Variants in CCDC122 observed in about 807,000 individuals in gnomAD.
CCDC122 encodes coiled-coil domain containing 122.
In CCDC122, 38 loss-of-function variants were observed where a neutral mutation model predicts 37.0. That is an observed-to-expected ratio of 1.03 (90% CI 0.79 to 1.35). CCDC122 has a LOEUF of 1.35. CCDC122 is among the 40% of genes most tolerant of loss of function. The pLI is 0.00. For missense variants in CCDC122, 305 were observed against 310.0 expected (o/e 0.98, Z 0.12); for synonymous variants, 83 against 95.6 (o/e 0.87, Z 0.77).
At chr13:43,871,827 C>A (rs1401968029) in intron 2 of CCDC122, among the ~76,000 whole-genome samples, 1 of 152,046 alleles carries the variant, frequency 6.6e-6, no homozygotes, top group African/African-American at 2.4e-5. Context: ...CTCTCTAAAA[C>A]CCTCTCTAGT....
chr13:43,836,028 A>C (rs1953151890), downstream of CCDC122, among the ~76,000 whole-genome samples: 1 of 152,238 alleles, frequency 6.6e-6, no homozygotes. Context: ...ATCAGGTTTT[A>C]TATCAGCTCC....
At chr13:43,836,059 T>C (rs1953152930), downstream of CCDC122, among the ~76,000 whole-genome samples, 1 of 152,188 alleles carries the variant, frequency 6.6e-6, no homozygotes, top group South Asian at 2.1e-4. Flanking sequence ...TTTTAGCACA[T>C]AGAAAGGTAA....
chr13:43,822,886 G>T (rs1277607872), downstream of CCDC122, among the ~76,000 whole-genome samples: 1 of 152,150 alleles, frequency 6.6e-6, no homozygotes, highest in African/African-American at 2.4e-5. Context: ...GGCCATCCAA[G>T]AGCCTAGGCC....
chr13:43,849,134 G>A (rs566117962), intron 6 of CCDC122: 1 of 788,238 alleles, frequency 1.3e-6, no homozygotes, highest in African/African-American at 1.9e-5. Context: ...ACTGAATTGA[G>A]GACAACTTTT....
chr13:43,872,377 G>A (rs1418560229), intron 2 of CCDC122, among the ~76,000 whole-genome samples: 1 of 152,090 alleles, frequency 6.6e-6, no homozygotes, highest in African/African-American at 2.4e-5. Context: ...AGAAAGACAT[G>A]CAACTATGCT....
At chr13:43,875,164 C>T (rs935602624) in intron 1 of CCDC122, among the ~76,000 whole-genome samples, 1 of 152,124 alleles carries the variant, frequency 6.6e-6, no homozygotes, top group African/African-American at 2.4e-5. Flanking sequence ...GCAACTGTTT[C>T]GAAAAGATTT....
intron 1 of CCDC122, among the ~76,000 whole-genome samples, chr13:43,875,642 C>G (rs1056045097): frequency 6.6e-6 from 1 of 152,154 alleles, no homozygotes; most frequent in Non-Finnish European, 1.5e-5. Context: ...TCTCTAATAA[C>G]AATCCTAGGA....
chr13:43,878,443 T>C (rs1040790048), intron 1 of CCDC122, among the ~76,000 whole-genome samples: 1 of 152,208 alleles, frequency 6.6e-6, no homozygotes, highest in South Asian at 2.1e-4. Context: ...TCTGGGTTAG[T>C]GCTCCCAGTC....
At chr13:43,830,613 T>C (rs1206063634) in intron 3 of CCDC122, among the ~76,000 whole-genome samples, 1 of 152,202 alleles carries the variant, frequency 6.6e-6, no homozygotes, top group African/African-American at 2.4e-5. Context: ...TCAAAAAGGA[T>C]TTTTTAAAAA....
At chr13:43,841,255 G>A (rs1038144735) in intron 6 of CCDC122, among the ~76,000 whole-genome samples, 1 of 152,140 alleles carries the variant, frequency 6.6e-6, no homozygotes, top group Non-Finnish European at 1.5e-5. Context: ...TAAACACCTA[G>A]GTGGAGAATT....
rs1313754911 is a variant in CCDC122 at position 43,840,853 on chromosome 13, T to C, written c.673-3424A>G. Among the ~76,000 whole-genome samples, 4 of 151,898 alleles carry C rather than the reference T, an allele frequency of 2.6e-5. No individual in the cohort carries two copies. In the South Asian group the frequency reaches 8.3e-4, roughly 32 times the overall value. ...GTGCTGCAATAAACATACATGTGCA[T>C]GTGTCTTTATAGCAGCATGTTTTAT... is the stretch of plus-strand genomic sequence containing the variant. On this transcript the variant is annotated intron_variant, in intron 6 of 6. Coordinates refer to ENST00000444614, the MANE Select transcript of CCDC122 (RefSeq NM_144974.5).
intron 6 of CCDC122, among the ~76,000 whole-genome samples, chr13:43,847,484 T>A (rs1953582050): frequency 6.6e-6 from 1 of 152,232 alleles, no homozygotes. Context: ...AGGTTTGGAT[T>A]CATATCCTAC....
chr13:43,860,666 C>G (rs2153875967), intron 4 of CCDC122, among the ~76,000 whole-genome samples: 1 of 152,286 alleles, frequency 6.6e-6, no homozygotes. Context: ...CTGAGAATTC[C>G]TTCTCAATCT....
chr13:43,859,941 G>C lies in CCDC122; in HGVS notation c.286C>G (p.Gln96Glu). Residue 96 changes from glutamine to glutamate, a missense_variant, in exon 5 of 7, where the codon CAA (glutamine) becomes GAA (glutamate). By Grantham distance (29) the Gln-to-Glu change is conservative (BLOSUM62 2). Transcript: ENST00000444614. Reference sequence around the variant, plus strand: ...TTTTCTGAATGTAAGGATTTGATTTGAGTTTCCAGGCTATCACAATGAAGT... The same window carrying C: ...TTTTCTGAATGTAAGGATTTGATTTCAGTTTCCAGGCTATCACAATGAAGT... The part of the protein sequence containing the change: ...TKLHCDSLET[Q>E]IKSLHSENVK... 1.2e-6 allele frequency: 2 copies of C among 1,610,982 alleles called. No homozygotes were observed. The highest frequency in any genetic ancestry group is 1.7e-6 in the Non-Finnish European group (2 of 1,178,714).
At chr13:43,845,651 G>A (rs546623952) in intron 6 of CCDC122, among the ~76,000 whole-genome samples, 1 of 152,352 alleles carries the variant, frequency 6.6e-6, no homozygotes, top group East Asian at 1.9e-4. Flanking sequence ...GGCAGAGGCT[G>A]CAGTGAGCTG....
chr13:43,857,067 C>T (rs1238976524), intron 6 of CCDC122, among the ~76,000 whole-genome samples: 1 of 152,062 alleles, frequency 6.6e-6, no homozygotes, highest in Non-Finnish European at 1.5e-5. Context: ...ACTGTAATAC[C>T]GATAATCAGA....
chr13:43,848,272 T>C (rs1280649574), intron 6 of CCDC122, among the ~76,000 whole-genome samples: 1 of 152,258 alleles, frequency 6.6e-6, no homozygotes, highest in Non-Finnish European at 1.5e-5. Flanking sequence ...ACTCATGCTG[T>C]ACAAAATTTA....
chr13:43,856,200 G>A (rs1184375563), intron 6 of CCDC122: 1 of 152,100 alleles, frequency 6.6e-6, no homozygotes, highest in African/African-American at 2.4e-5. Flanking sequence ...ACACTGGAGG[G>A]TGAGAGGAGG....
In CCDC122 at chr13:43,868,804, C is replaced by T; in HGVS notation, c.47-1G>A. On this transcript the variant is annotated splice_acceptor_variant, in intron 3 of 6. Coordinates refer to ENST00000444614, the MANE Select transcript of CCDC122 (RefSeq NM_144974.5). LOFTEE classifies it high-confidence loss of function. The stretch of plus-strand genomic sequence containing the variant: ...GCTAATGAACTTGTGTCTTGGTTAT[C>T]TACAATTAGACAAAAGAATAAAGTA... 1.4e-6 allele frequency: 2 copies of T among 1,437,368 alleles called. No homozygotes were observed. The highest frequency in any genetic ancestry group is 1.9e-6 in the Non-Finnish European group (2 of 1,078,004). The allele number at this position is 1,437,368 out of a possible 1,614,324, so 89.0% of individuals were successfully genotyped here.
Sources: gnomAD v4.1 joint callset for allele counts (sites outside exome capture counted in the v4.1 genomes callset) on GRCh38, gnomAD v4.1.1 for gene constraint, MANE v1.5 for transcripts, NCBI Gene and HGNC (gene_info 2026-07-23, HGNC 2026-07-21) for gene names.